The following EPB41L4A variants were observed in gnomAD, a reference collection of about 807,000 sequenced individuals.
The protein encoded by EPB41L4A is erythrocyte membrane protein band 4.1 like 4A.
Under a neutral mutation model 108.6 loss-of-function variants are expected in EPB41L4A, and 100 were observed. That is an observed-to-expected ratio of 0.92 (90% confidence interval 0.78 to 1.09). The LOEUF (loss-of-function observed/expected upper bound fraction) is 1.09, where lower values mean the gene tolerates loss of function less well. Ranked by LOEUF, EPB41L4A falls within the 50% of genes least tolerant of loss-of-function variation. EPB41L4A has a pLI of 0.00. For synonymous variants in EPB41L4A, 319 were observed against 289.0 expected (o/e 1.10, Z -1.05); for missense variants, 1,030 against 842.7 (o/e 1.22, Z -2.75).
intron 9 of EPB41L4A, among the ~76,000 whole-genome samples, chr5:112,251,760 C>T (rs992081967): frequency 9.2e-5 from 14 of 151,894 alleles, no homozygotes; most frequent in African/African-American, 3.4e-4. Flanking sequence ...TAAACAAGAA[C>T]GTGAAGGAGA....
In EPB41L4A at chr5:112,360,763, G is replaced by T. The variant is rs184182323; in HGVS notation, c.100-53273C>A. 6.9e-3 allele frequency among the ~76,000 whole-genome samples: 1,046 copies of T among 151,938 alleles called. 5 individuals are homozygous for T. The highest frequency in any genetic ancestry group is 0.012 in the Non-Finnish European group (837 of 67,912). On this transcript the variant is annotated intron_variant, in intron 1 of 22. Coordinates refer to ENST00000261486, the MANE Select transcript of EPB41L4A (RefSeq NM_022140.5). ...TGGGAAGTGAGGAGCGCCTCTTCCC[G>T]GTCGTCATCCCGTCTAGGAAGTGAA... is the stretch of plus-strand genomic sequence containing the variant.
At chr5:112,245,764 G>A (rs533379057) in intron 9 of EPB41L4A, among the ~76,000 whole-genome samples, 77 of 152,328 alleles carry the variant, frequency 5.1e-4, no homozygotes, top group Non-Finnish European at 9.7e-4. Flanking sequence ...ATCTCACCAA[G>A]TGAACAAGAC....
intron 9 of EPB41L4A, among the ~76,000 whole-genome samples, chr5:112,248,088 T>C (rs543297458): frequency 6.6e-6 from 1 of 152,322 alleles, no homozygotes; most frequent in South Asian, 2.1e-4. Flanking sequence ...CCACTTATAG[T>C]GAGCTTTAGG....
intron 11 of EPB41L4A, among the ~76,000 whole-genome samples, chr5:112,238,380 T>C (rs1749514676): frequency 6.6e-6 from 1 of 152,242 alleles, no homozygotes; most frequent in African/African-American, 2.4e-5. Context: ...AGAATATCTA[T>C]AATACAATGA....
At chr5:112,408,949 C>T (rs1290681721) in intron 1 of EPB41L4A, among the ~76,000 whole-genome samples, 1 of 151,956 alleles carries the variant, frequency 6.6e-6, no homozygotes, top group African/African-American at 2.4e-5. Flanking sequence ...CCCAGCAATT[C>T]CACTCTTAGG....
rs1188991050 is a variant in EPB41L4A, at chr5:112,313,858, C to CTTTTTTTTTT, written c.100-6378_100-6369dup. ...AACCGCTCCAAAAAAAGGTAACTTT[C>CTTTTTTTTTT]TTTTTTTTTTTTTTTTTTTTTTTGA... On this transcript the variant is annotated intron_variant, in intron 1 of 22. Coordinates refer to ENST00000261486, the MANE Select transcript of EPB41L4A (RefSeq NM_022140.5). 1.5e-4 allele frequency among the ~76,000 whole-genome samples: 13 copies of CTTTTTTTTTT among 89,472 alleles called. 1 individual carries two copies. The highest frequency in any genetic ancestry group is 6.0e-4 in the African/African-American group (13 of 21,832). 58.7% of individuals were successfully genotyped at this position (89,472 alleles called of 152,430 possible).
chr5:112,173,674 C>T (rs528897317), intron 18 of EPB41L4A: 29 of 147,982 alleles, frequency 2.0e-4, no homozygotes, highest in African/African-American at 6.5e-4. Flanking sequence ...GAGAGAGTCT[C>T]GCTCTGTCAC....
chr5:112,303,728 C>T (rs1443969021), intron 2 of EPB41L4A, among the ~76,000 whole-genome samples: 1 of 152,084 alleles, frequency 6.6e-6, no homozygotes, highest in Non-Finnish European at 1.5e-5. Flanking sequence ...GGGCCAGTTT[C>T]AGTGATGTGA....
intron 1 of EPB41L4A, among the ~76,000 whole-genome samples, chr5:112,407,519 T>C (rs1262286632): frequency 6.6e-6 from 1 of 152,190 alleles, no homozygotes; most frequent in Non-Finnish European, 1.5e-5. Flanking sequence ...GCAGCACACA[T>C]TGCACTCTAA....
intron 1 of EPB41L4A, among the ~76,000 whole-genome samples, chr5:112,396,747 GAGAC>G (rs1315482592): frequency 2.6e-5 from 4 of 152,104 alleles, no homozygotes; most frequent in East Asian, 1.9e-4. Context: ...CAGACAGACA[GAGAC>G]AGACAGAGAC....
At chr5:112,399,598 C>T (rs146583561) in intron 1 of EPB41L4A, among the ~76,000 whole-genome samples, 1 of 152,204 alleles carries the variant, frequency 6.6e-6, no homozygotes, top group African/African-American at 2.4e-5. Flanking sequence ...CCACACATAA[C>T]ACTTTCTCAG....
intron 1 of EPB41L4A, among the ~76,000 whole-genome samples, chr5:112,326,544 C>T (rs1016971712): frequency 6.6e-6 from 1 of 152,198 alleles, no homozygotes; most frequent in Non-Finnish European, 1.5e-5. Context: ...AAAAGTTCTA[C>T]CAATGGGCTT....
intron 12 of EPB41L4A, among the ~76,000 whole-genome samples, chr5:112,153,802 G>T (rs1364831921): frequency 6.6e-6 from 1 of 151,016 alleles, no homozygotes; most frequent in African/African-American, 2.4e-5. Flanking sequence ...TTTATAAAAA[G>T]TAACCACCTA....
chr5:112,142,226 A>G (rs1360104325), downstream of EPB41L4A, among the ~76,000 whole-genome samples: 1 of 152,182 alleles, frequency 6.6e-6, no homozygotes, highest in Admixed American at 6.5e-5. Context: ...ATCCCACGGG[A>G]TGGAGTTCCA....
chr5:112,226,205 G>A (rs1748439253), intron 12 of EPB41L4A, among the ~76,000 whole-genome samples: 1 of 152,190 alleles, frequency 6.6e-6, no homozygotes. Context: ...CTTTCTAATG[G>A]ATATTTAGGT....
At position 112,405,150 on chromosome 5, in the gene EPB41L4A, T is replaced by C. The variant is rs1008451361; in HGVS notation, c.99+13791A>G. ...ATCTTGAGCTCGCATTCTCTCATAT[T>C]CTCTCGGGTCACTTTCCATGGAGGG... On this transcript the variant is annotated intron_variant, in intron 1 of 22. Coordinates refer to ENST00000261486, the MANE Select transcript of EPB41L4A (RefSeq NM_022140.5). Among the ~76,000 whole-genome samples, 3 of 152,278 alleles carry C rather than the reference T, an allele frequency of 2.0e-5. No individual in the cohort carries two copies. The South Asian group carries it at 6.2e-4, about 32-fold the overall frequency.
intron 1 of EPB41L4A, chr5:112,363,730 G>C (rs145775893): frequency 1.0e-5 from 1 of 100,018 alleles, no homozygotes; most frequent in East Asian, 4.0e-4. Context: ...GATTCTGATA[G>C]CTTAAATTTT....
chr5:112,175,189 C>G (rs986043761), intron 18 of EPB41L4A: 1 of 152,212 alleles, frequency 6.6e-6, no homozygotes, highest in African/African-American at 2.4e-5. Context: ...CAGAGGGAGC[C>G]CGAACCTTCT....
intron 4 of EPB41L4A, 53 bp downstream of exon 4, chr5:112,275,273 C>G: frequency 6.7e-7 from 1 of 1,490,362 alleles, no homozygotes; most frequent in Non-Finnish European, 9.0e-7. Flanking sequence ...TTAAATAAAG[C>G]TTTTTGTATA....
Sources: gnomAD v4.1 joint callset for allele counts (sites outside exome capture counted in the v4.1 genomes callset) on GRCh38, gnomAD v4.1.1 for gene constraint, MANE v1.5 for transcripts, NCBI Gene and HGNC (gene_info 2026-07-23, HGNC 2026-07-21) for gene names.